Variants in RBFOX3 observed in about 807,000 individuals in gnomAD.
RBFOX3 encodes the protein RNA binding fox-1 homolog 3.
In RBFOX3, 17 loss-of-function variants were observed where a neutral mutation model predicts 48.7. That is an observed-to-expected ratio of 0.35 (90% confidence interval 0.24 to 0.52). RBFOX3 has a LOEUF of 0.52. RBFOX3 is among the 20% of genes least tolerant of loss of function. The pLI, the probability that RBFOX3 is intolerant of heterozygous loss-of-function variation, is 0.94. For synonymous variants in RBFOX3, 212 were observed against 209.5 expected, an observed-to-expected ratio of 1.01 and a Z score of -0.10; for missense variants, 382 against 497.5, an observed-to-expected ratio of 0.77 and a Z score of 2.21.
intron 4 of RBFOX3, among the ~76,000 whole-genome samples, chr17:79,124,982 G>A (rs1425408059): frequency 1.3e-5 from 2 of 152,080 alleles, no homozygotes; most frequent in East Asian, 1.9e-4. Flanking sequence ...TCCTCCACGC[G>A]CTCCTCCGGG....
Position 79,247,335 on chromosome 17 carries a change from C to G in RBFOX3, c.-73-11530G>C, listed in dbSNP as rs944447469. On this transcript the variant is annotated intron_variant, in intron 3 of 14. Transcript: ENST00000693108. ...ATTTTTTTTTTTTTTTTTTTTGAGA[C>G]AGAGTCTCACTCTGTCACCCAGGCT... Among the ~76,000 whole-genome samples the G allele has an allele frequency of 3.4e-4, 24 of 71,624 alleles. No homozygotes were observed. In the Admixed American group the frequency reaches 3.7e-3, roughly 11 times the overall value. The allele number at this position is 71,624 out of a possible 152,430, so 47.0% of individuals were successfully genotyped here.
chr17:79,091,683 G>GACCC (rs2073939246), intron 14 of RBFOX3, among the ~76,000 whole-genome samples: 1 of 152,184 alleles, frequency 6.6e-6, no homozygotes, highest in African/African-American at 2.4e-5. Context: ...GCCTGCTGAG[G>GACCC]ACCCCTCCTT....
intron 1 of RBFOX3, among the ~76,000 whole-genome samples, chr17:79,498,226 CT>C: frequency 6.6e-6 from 1 of 152,334 alleles, no homozygotes; most frequent in South Asian, 2.1e-4. Context: ...GCCATGACAT[CT>C]GCCTTCATAG....
chr17:79,473,174 ATT>A lies in RBFOX3; in HGVS notation c.-175+9278_-175+9279del, dbSNP rs2077256117. 6.6e-6 allele frequency among the ~76,000 whole-genome samples: 1 copy of A among 152,254 alleles called. No homozygotes were observed. Among genetic ancestry groups the A allele is most frequent in the Non-Finnish European group, 1.5e-5 (1 of 68,052 alleles). The stretch of plus-strand genomic sequence containing the variant: ...ATGACTAAAAGATTCTAAATGCTTA[ATT>A]TCAGCTTCTGTACTCAGTTGCAGGG... On this transcript the variant is annotated intron_variant, in intron 2 of 14. Transcript: ENST00000693108. The surrounding 1 kb of genome is among the most constrained non-coding windows in gnomAD (Gnocchi z 4.2).
chr17:79,174,817 C>T (rs1003383831), intron 4 of RBFOX3, among the ~76,000 whole-genome samples: 1 of 152,252 alleles, frequency 6.6e-6, no homozygotes, highest in Non-Finnish European at 1.5e-5. Context: ...TGACGTTTGT[C>T]TAAGTGAGAC....
At chr17:79,405,407 AT>A (rs11352770) in intron 2 of RBFOX3, among the ~76,000 whole-genome samples, 149,262 of 151,744 alleles carry the variant, frequency 0.98, 73,461 homozygotes, top group Non-Finnish European at 1. Context: ...ATTTGTTTAC[AT>A]TTTTTTTTTC....
At chr17:79,434,425 G>A (rs9891096) in intron 2 of RBFOX3, among the ~76,000 whole-genome samples, 2,175 of 152,332 alleles carry the variant, frequency 0.014, 51 homozygotes, top group African/African-American at 0.048. Flanking sequence ...ACATGATGAA[G>A]ACCCAGAGAA....
At chr17:79,545,981 T>C (rs1291967510) in intron 1 of RBFOX3, among the ~76,000 whole-genome samples, 2 of 152,246 alleles carry the variant, frequency 1.3e-5, no homozygotes, top group Non-Finnish European at 2.9e-5. Context: ...TGTGTGCACA[T>C]ACATGCATGT....
Position 79,569,230 on chromosome 17 carries a change from A to T in RBFOX3, c.-320+41596T>A, listed in dbSNP as rs1055614158. Among the ~76,000 whole-genome samples the T allele has an allele frequency of 9.3e-3, 1,413 of 152,146 alleles. 22 individuals carry two copies. The highest frequency in any genetic ancestry group is 0.032 in the African/African-American group (1,335 of 41,498). On this transcript the variant is annotated intron_variant, in intron 1 of 14. Transcript: ENST00000693108. ...CCAAACAGAAACTCCATTCCTATTA[A>T]ACAATAGCTCCCCACTCCCCCCAAG...
intron 4 of RBFOX3, among the ~76,000 whole-genome samples, chr17:79,142,582 G>A (rs1349471496): frequency 6.6e-6 from 1 of 151,936 alleles, no homozygotes; most frequent in Non-Finnish European, 1.5e-5. Context: ...GCACGGTGGC[G>A]GGAGGCCACT....
chr17:79,448,026 C>T (rs2072699143), intron 2 of RBFOX3, among the ~76,000 whole-genome samples: 2 of 152,208 alleles, frequency 1.3e-5, no homozygotes, highest in African/African-American at 4.8e-5. Flanking sequence ...GACGTGCCTG[C>T]TTCCCCTTCA....
rs543742224 is a variant in RBFOX3 at position 79,143,374 on chromosome 17, G to A, written c.-33-27626C>T. On this transcript the variant is annotated intron_variant, in intron 4 of 14. Coordinates refer to ENST00000693108, the MANE Select transcript of RBFOX3 (RefSeq NM_001350451.2). ...ATGGTGCTGTCCTTGTTGGTGGAGCGGGGGGTGGGGGGGGGTTCTATAAAT... is the reference window on the plus strand; with the variant it reads ...ATGGTGCTGTCCTTGTTGGTGGAGCAGGGGGTGGGGGGGGGTTCTATAAAT... Among the ~76,000 whole-genome samples the A allele has an allele frequency of 6.0e-3, 724 of 121,258 alleles. 21 individuals are homozygous for A. The highest frequency in any genetic ancestry group is 0.02 in the African/African-American group (678 of 33,450). 79.5% of individuals were successfully genotyped at this position (121,258 alleles called of 152,430 possible). A position where few individuals can be genotyped will look rare whatever the true frequency, so the allele number is the denominator to read the frequency against.
chr17:79,352,294 TAA>T (rs1323243979), intron 2 of RBFOX3, among the ~76,000 whole-genome samples: 1 of 152,126 alleles, frequency 6.6e-6, no homozygotes, highest in Non-Finnish European at 1.5e-5. Flanking sequence ...TCTGGTTGTT[TAA>T]AAGTGTGTAG....
At chr17:79,653,117 A>G in the RBFOX3 span, among the ~76,000 whole-genome samples, 1 of 152,378 alleles carries the variant, frequency 6.6e-6, no homozygotes, top group African/African-American at 2.4e-5. Context: ...ACATGAGAAC[A>G]GAATAAAGAG....
chr17:79,580,276 C>A (rs1331953089), intron 1 of RBFOX3, among the ~76,000 whole-genome samples: 3 of 131,198 alleles, frequency 2.3e-5, no homozygotes, highest in Non-Finnish European at 4.9e-5. Context: ...TCCTCCTCCC[C>A]CCCCATCCTC....
chr17:79,583,085 T>C (rs1568432440), intron 1 of RBFOX3, among the ~76,000 whole-genome samples: 2 of 151,976 alleles, frequency 1.3e-5, no homozygotes, highest in East Asian at 3.9e-4. Flanking sequence ...TCCAAACACA[T>C]GGAAAACAAG....
chr17:79,169,383 TCTC>T (rs1449468307), intron 4 of RBFOX3, among the ~76,000 whole-genome samples: 7 of 151,926 alleles, frequency 4.6e-5, no homozygotes, highest in Non-Finnish European at 7.4e-5. Flanking sequence ...GGGCAGTCCC[TCTC>T]CTCCTCCCCT....
rs570428787 is a variant in RBFOX3 at position 79,277,309 on chromosome 17, G to T, written c.-74+30415C>A. The stretch of plus-strand genomic sequence containing the variant: ...AAGGATTCCAATGGTGGGGAGGGGG[G>T]GGGTAGTGCTGCTCGACTGGTACCT... On this transcript the variant is annotated intron_variant, in intron 3 of 14. Coordinates refer to ENST00000693108, the MANE Select transcript of RBFOX3 (RefSeq NM_001350451.2). Among the ~76,000 whole-genome samples the T allele has an allele frequency of 1.3e-4, 19 of 142,112 alleles. No homozygotes were observed. The East Asian group carries it at 1.9e-3, about 14-fold the overall frequency. The allele number at this position is 142,112 out of a possible 152,430, so 93.2% of individuals were successfully genotyped here.
At chr17:79,294,709 C>T (rs1182892855) in intron 3 of RBFOX3, among the ~76,000 whole-genome samples, 1 of 152,178 alleles carries the variant, frequency 6.6e-6, no homozygotes, top group Non-Finnish European at 1.5e-5. Flanking sequence ...GCCACGCGGC[C>T]GAACTCCGGA....
Sources: gnomAD v4.1 joint callset for allele counts (sites outside exome capture counted in the v4.1 genomes callset) on GRCh38, gnomAD v4.1.1 for gene constraint, Gnocchi (gnomAD v3.1) non-coding constraint, MANE v1.5 for transcripts, NCBI Gene and HGNC (gene_info 2026-07-23, HGNC 2026-07-21) for gene names.